The following PHF24 variants were observed in gnomAD, a reference collection of about 807,000 sequenced individuals.
PHF24 encodes Galpha inhibitory interacting protein.
In PHF24, 25 loss-of-function variants were observed where a neutral mutation model predicts 42.6. That is an observed-to-expected ratio of 0.59 (90% CI 0.43 to 0.82). The LOEUF is 0.82. Ranked by LOEUF, PHF24 falls within the 40% of genes least tolerant of loss-of-function variation. The pLI, the probability that PHF24 is intolerant of heterozygous loss-of-function variation, is 0.00. For synonymous variants in PHF24, 185 were observed against 204.8 expected, an observed-to-expected ratio of 0.90 and a Z score of 0.83; for missense variants, 470 against 538.1, an observed-to-expected ratio of 0.87 and a Z score of 1.25.
the PHF24 span, chr9:34,681,241 G>C: frequency 6.6e-6 from 1 of 152,182 alleles, no homozygotes; most frequent in African/African-American, 2.4e-5. Flanking sequence ...ATAGAATTTT[G>C]TTGTATTACA....
chr9:34,969,175 A>T (rs886519359), intron 1 of PHF24, among the ~76,000 whole-genome samples: 1 of 152,230 alleles, frequency 6.6e-6, no homozygotes, highest in African/African-American at 2.4e-5. Context: ...GATTGTGGGG[A>T]CTTCCTCCTG....
the PHF24 span, chr9:34,723,955 C>A: frequency 6.4e-7 from 1 of 1,551,210 alleles, no homozygotes; most frequent in South Asian, 1.2e-5. Context: ...ATCGCCAGGA[C>A]CCTCGGGGTG....
At chr9:34,916,453 C>G in the PHF24 span, among the ~76,000 whole-genome samples, 2 of 152,154 alleles carry the variant, frequency 1.3e-5, no homozygotes, top group Admixed American at 6.5e-5. Context: ...CCGCCACCCT[C>G]TAAGAAACCC....
the PHF24 span, among the ~76,000 whole-genome samples, chr9:34,751,832 T>A: frequency 6.6e-6 from 1 of 152,060 alleles, no homozygotes; most frequent in African/African-American, 2.4e-5. Context: ...CTTAAAAAAA[T>A]TGAAATAATA....
chr9:34,825,243 A>T, the PHF24 span, among the ~76,000 whole-genome samples: 1 of 150,862 alleles, frequency 6.6e-6, no homozygotes, highest in Non-Finnish European at 1.5e-5. Context: ...GGGGGCCCTC[A>T]GGGTGATGGG....
chr9:34,833,353 T>A, the PHF24 span: 39,754 of 1,521,660 alleles, frequency 0.026, 3,058 homozygotes, highest in African/African-American at 0.23. Context: ...CCTGGGGTAC[T>A]GCTTTGGAAT....
the PHF24 span, among the ~76,000 whole-genome samples, chr9:34,925,679 A>T: frequency 6.6e-6 from 1 of 151,874 alleles, no homozygotes; most frequent in Admixed American, 6.6e-5. Context: ...TCAAATTATC[A>T]ATTGTTTTCC....
the PHF24 span, among the ~76,000 whole-genome samples, chr9:34,869,506 T>C: frequency 2.0e-5 from 3 of 152,090 alleles, no homozygotes; most frequent in Non-Finnish European, 4.4e-5. Context: ...TAGTGATGAG[T>C]GATGTTGAGC....
chr9:34,687,922 G>A, the PHF24 span, among the ~76,000 whole-genome samples: 1 of 152,220 alleles, frequency 6.6e-6, no homozygotes, highest in African/African-American at 2.4e-5. Flanking sequence ...TTGGCTGGAT[G>A]GAGGTCTGAT....
chr9:34,872,473 TGCGATA>T, the PHF24 span, among the ~76,000 whole-genome samples: 1 of 150,886 alleles, frequency 6.6e-6, no homozygotes, highest in African/African-American at 2.4e-5. Flanking sequence ...TTTTTGTTCT[TGCGATA>T]GTTTACTGAG....
the PHF24 span, chr9:34,710,080 GGTGA>G: frequency 2.5e-6 from 4 of 1,612,438 alleles, no homozygotes; most frequent in Non-Finnish European, 3.4e-6. Flanking sequence ...TGTGGTAGAG[GGTGA>G]GTAAGAGGCC....
At chr9:34,973,688 A>G (rs772556676) in intron 3 of PHF24, among the ~76,000 whole-genome samples, 6 of 152,156 alleles carry the variant, frequency 3.9e-5, no homozygotes, top group Admixed American at 6.5e-5. Flanking sequence ...TGGAACAGCT[A>G]TTTTCAGCCA....
the PHF24 span, chr9:34,836,163 T>A: frequency 5.0e-6 from 2 of 397,098 alleles, no homozygotes; most frequent in Non-Finnish European, 1.0e-5. Context: ...TCTAGAAGCC[T>A]ACACCCCCTT....
chr9:34,978,385 T>TA, exon 8 of PHF24: 1 of 470,722 alleles, frequency 2.1e-6, no homozygotes. Flanking sequence ...CCACCACACT[T>TA]ATATACATGT....
At chr9:34,847,913 G>T in the PHF24 span, among the ~76,000 whole-genome samples, 3 of 152,024 alleles carry the variant, frequency 2.0e-5, no homozygotes, top group Non-Finnish European at 4.4e-5. Flanking sequence ...TATTGATTTG[G>T]GTATATTGAA....
chr9:34,870,347 A>T, the PHF24 span, among the ~76,000 whole-genome samples: 4 of 152,102 alleles, frequency 2.6e-5, no homozygotes, highest in African/African-American at 9.7e-5. Context: ...GATAAGTGTG[A>T]ATCGACCCTT....
At chr9:34,691,273 G>T in the PHF24 span, 1 of 655,414 alleles carries the variant, frequency 1.5e-6, no homozygotes, top group East Asian at 3.0e-5. Context: ...GTGAGGCTGG[G>T]AATGTGAGCC....
the PHF24 span, among the ~76,000 whole-genome samples, chr9:34,840,451 C>T: frequency 6.6e-6 from 1 of 151,482 alleles, no homozygotes; most frequent in Non-Finnish European, 1.5e-5. Context: ...CCTTCTCCTC[C>T]TCCTTGTTCT....
the PHF24 span, among the ~76,000 whole-genome samples, chr9:34,939,729 A>G: frequency 6.6e-6 from 1 of 152,202 alleles, no homozygotes; most frequent in Non-Finnish European, 1.5e-5. Context: ...GCACATTCTC[A>G]TGGTCCCACA....
Sources: allele counts gnomAD v4.1 joint callset (sites outside exome capture counted in the v4.1 genomes callset), GRCh38; gene constraint gnomAD v4.1.1; transcripts MANE v1.5; gene names NCBI Gene and HGNC (gene_info 2026-07-23, HGNC 2026-07-21).